ZNF536: variants seen among roughly 807,000 people sequenced by gnomAD.
ZNF536 encodes zinc finger protein 536.
ZNF536 carries 13 observed loss-of-function variants against 84.5 expected under a neutral mutation model. The observed-to-expected ratio is 0.15, with a 90% CI of 0.10 to 0.24. The LOEUF (loss-of-function observed/expected upper bound fraction) is 0.24. Among genes scored for constraint, ZNF536 ranks in the 10% least tolerant of loss-of-function variants. The pLI is 1.00. For missense variants in ZNF536, 1,536 were observed against 1,747.5 expected (o/e 0.88, Z 2.16); for synonymous variants, 811 against 742.5 (o/e 1.09, Z -1.50).
At chr19:30,699,889 G>T (rs1045818031) in intron 1 of ZNF536, among the ~76,000 whole-genome samples, 1 of 152,214 alleles carries the variant, frequency 6.6e-6, no homozygotes, top group African/African-American at 2.4e-5. Context: ...TCATGAACCT[G>T]TTGTACCACC....
In ZNF536 at chr19:30,545,158, C is replaced by A. The variant is rs185836367; in HGVS notation, c.2324-2785C>A. On this transcript the variant is annotated intron_variant, in intron 3 of 4. Transcript: ENST00000355537. ...AATGTGGGGAGGTGGGACCAGGTAT[C>A]AGCACTTCATCAAGCCCCCAAGGCA... Among the ~76,000 whole-genome samples, 459 of 152,280 alleles carry A rather than the reference C, an allele frequency of 3.0e-3. 1 individual carries two copies. The highest frequency in any genetic ancestry group is 5.0e-3 in the Non-Finnish European group (342 of 68,022).
chr19:30,679,569 C>T (rs539976896), intron 1 of ZNF536, among the ~76,000 whole-genome samples: 4 of 152,272 alleles, frequency 2.6e-5, no homozygotes, highest in South Asian at 2.1e-4. Context: ...TTCTGGGAAA[C>T]GTCACCTCTT....
At chr19:30,277,151 G>A (rs2026170948) in intron 1 of ZNF536, among the ~76,000 whole-genome samples, 1 of 152,216 alleles carries the variant, frequency 6.6e-6, no homozygotes, top group Non-Finnish European at 1.5e-5. Context: ...TTGGTGTTCT[G>A]TTGTTTAAGA....
In ZNF536 at chr19:30,415,939, G is replaced by T. The variant is rs568710964; in HGVS notation, c.-2-27622G>T. On this transcript the variant is annotated intron_variant, in intron 1 of 4. Coordinates refer to ENST00000355537, the MANE Select transcript of ZNF536 (RefSeq NM_014717.3). ...ATCATCATTTTTCAATCCTTAGCTCGCTTGTTCTTTCTGGAACTTCTACTT... is the reference window on the plus strand; with the variant it reads ...ATCATCATTTTTCAATCCTTAGCTCTCTTGTTCTTTCTGGAACTTCTACTT... Among the ~76,000 whole-genome samples the T allele has an allele frequency of 5.9e-5, 9 of 152,114 alleles. No homozygotes were observed. The South Asian group carries it at 1.7e-3, about 28-fold the overall frequency.
intron 1 of ZNF536, among the ~76,000 whole-genome samples, chr19:30,644,497 C>T (rs1456441680): frequency 6.6e-6 from 1 of 152,096 alleles, no homozygotes; most frequent in Non-Finnish European, 1.5e-5. Context: ...GGTATATCTC[C>T]AAATGCTATC....
chr19:30,622,922 G>A (rs1350295217), intron 1 of ZNF536, among the ~76,000 whole-genome samples: 1 of 151,166 alleles, frequency 6.6e-6, no homozygotes, highest in South Asian at 2.1e-4. Flanking sequence ...GCCCCATCTT[G>A]GACCCAGAAC....
At chr19:30,516,232 G>A (rs1000167883) in intron 2 of ZNF536, among the ~76,000 whole-genome samples, 7 of 152,086 alleles carry the variant, frequency 4.6e-5, no homozygotes, top group Non-Finnish European at 8.8e-5. Flanking sequence ...CTCACCACAA[G>A]ATGCAAACAT....
At chr19:30,377,279 C>T (rs973290884) in intron 1 of ZNF536, among the ~76,000 whole-genome samples, 2 of 152,016 alleles carry the variant, frequency 1.3e-5, no homozygotes, top group African/African-American at 4.8e-5. Flanking sequence ...CCGTGTGGGC[C>T]GCGCTCACAG....
intron 1 of ZNF536, among the ~76,000 whole-genome samples, chr19:30,580,331 G>A (rs1167343410): frequency 6.6e-6 from 1 of 152,304 alleles, no homozygotes; most frequent in East Asian, 1.9e-4. Context: ...GTCTTGCAGC[G>A]AGTTTCTCAA....
At chr19:30,281,806 G>A (rs774678163) in intron 1 of ZNF536, among the ~76,000 whole-genome samples, 8 of 152,068 alleles carry the variant, frequency 5.3e-5, no homozygotes, top group Admixed American at 2.6e-4. Flanking sequence ...GCTTTTTGTC[G>A]CCTTTGCAAT....
At chr19:30,705,852 T>C (rs2052205836) in intron 1 of ZNF536, among the ~76,000 whole-genome samples, 2 of 152,246 alleles carry the variant, frequency 1.3e-5, no homozygotes, top group South Asian at 4.1e-4. Flanking sequence ...TCAATACTAA[T>C]GTTTTGACCA....
At chr19:30,250,087 G>A (rs1056914480) in intron 1 of ZNF536, among the ~76,000 whole-genome samples, 7 of 152,142 alleles carry the variant, frequency 4.6e-5, no homozygotes, top group African/African-American at 7.2e-5. Context: ...CAAGCAGCTC[G>A]GAGCCTTGTT....
At chr19:30,443,166 T>C (rs1444996169) in intron 1 of ZNF536, among the ~76,000 whole-genome samples, 7 of 151,982 alleles carry the variant, frequency 4.6e-5, no homozygotes. Context: ...ACAGGGAAAG[T>C]CATTCTGCTC....
At chr19:30,356,879 G>C (rs2048112713) in intron 3 of ZNF536, among the ~76,000 whole-genome samples, 1 of 152,230 alleles carries the variant, frequency 6.6e-6, no homozygotes, top group Non-Finnish European at 1.5e-5. Flanking sequence ...AAACCTGGGA[G>C]GGCCAGGTCT....
At chr19:30,659,522 T>A (rs2050041437) in intron 1 of ZNF536, among the ~76,000 whole-genome samples, 1 of 151,914 alleles carries the variant, frequency 6.6e-6, no homozygotes, top group African/African-American at 2.4e-5. Context: ...GGGTAATTTA[T>A]AAAGAAAAAG....
intron 1 of ZNF536, among the ~76,000 whole-genome samples, chr19:30,690,036 T>C (rs1259005046): frequency 6.6e-6 from 1 of 152,246 alleles, no homozygotes; most frequent in Non-Finnish European, 1.5e-5. Context: ...ACTGTGTGTG[T>C]AAACACTGTC....
chr19:30,316,136 G>T (rs1483883176), intron 2 of ZNF536, among the ~76,000 whole-genome samples: 1 of 152,176 alleles, frequency 6.6e-6, no homozygotes, highest in Non-Finnish European at 1.5e-5. Flanking sequence ...TAGATTCCTA[G>T]AAGTAGCATT....
intron 1 of ZNF536, among the ~76,000 whole-genome samples, chr19:30,415,153 C>T (rs139887568): frequency 3.4e-5 from 4 of 116,670 alleles, no homozygotes; most frequent in African/African-American, 6.7e-5. Flanking sequence ...TCTTCTCCTC[C>T]CCCTCCCCCT....
At chr19:30,395,793 C>G (rs547989492) in intron 1 of ZNF536, among the ~76,000 whole-genome samples, 8 of 152,244 alleles carry the variant, frequency 5.3e-5, no homozygotes, top group African/African-American at 1.9e-4. Flanking sequence ...CTTATGATAA[C>G]TAGGTCAGTT....
Sources: gnomAD v4.1 joint callset for allele counts (sites outside exome capture counted in the v4.1 genomes callset) on GRCh38, gnomAD v4.1.1 for gene constraint, MANE v1.5 for transcripts, NCBI Gene and HGNC (gene_info 2026-07-23, HGNC 2026-07-21) for gene names.